The following PATZ1 variants were observed in gnomAD, a reference collection of about 807,000 sequenced individuals.
PATZ1 encodes POZ/BTB and AT hook containing zinc finger 1.
PATZ1 carries 9 observed loss-of-function variants against 46.2 expected under a neutral mutation model. The observed-to-expected ratio is 0.19, with a 90% CI of 0.12 to 0.34. The LOEUF (loss-of-function observed/expected upper bound fraction) is 0.34. Ranked by LOEUF, PATZ1 falls within the 10% of genes least tolerant of loss-of-function variation. PATZ1 has a pLI of 1.00. For synonymous variants in PATZ1, 426 were observed against 378.6 expected (o/e 1.13, Z -1.45); for missense variants, 632 against 923.0 (o/e 0.68, Z 4.08).
chr22:31,343,392 G>T, intron 1 of PATZ1: 1 of 988,838 alleles, frequency 1.0e-6, no homozygotes, highest in Non-Finnish European at 1.2e-6. Context: ...GGCAGCCAAT[G>T]AATGCCACCC....
chr22:31,335,441 G>A, intron 3 of PATZ1: 1 of 460,572 alleles, frequency 2.2e-6, no homozygotes, highest in East Asian at 3.6e-5. Flanking sequence ...CCCAAGCTTG[G>A]GAAGAACCTC....
rs753477064 is a variant in PATZ1, at chr22:31,328,877, C to T, written c.1555G>A (p.Gly519Ser). ...CTGGAGACCTGGGGAAGGGGAACAC[C>T]GTGGTGGGTTTTAACATGGACCTTT... Reference protein sequence around the residue: ...YLKVHVKTHHGVPLPQVSRHQ... With the variant: ...YLKVHVKTHHSVPLPQVSRHQ... The change falls in exon 4 of 5, where the codon GGT becomes AGT. Residue 519 changes from glycine to serine, a missense_variant. By Grantham distance (56) the Gly-to-Ser change is moderately conservative (BLOSUM62 0). Coordinates refer to ENST00000266269, the MANE Select transcript of PATZ1 (RefSeq NM_014323.3). The surrounding 1 kb of genome is among the most constrained non-coding windows in gnomAD (Gnocchi z 4.8). 8.1e-6 allele frequency: 13 copies of T among 1,613,910 alleles called. No homozygotes were observed. The South Asian group carries it at 1.1e-4, about 14-fold the overall frequency.
At chr22:31,342,840 G>A (rs1357324852) in intron 2 of PATZ1, 57 bp downstream of exon 2, 6 of 1,591,312 alleles carry the variant, frequency 3.8e-6, no homozygotes, top group South Asian at 1.1e-5. Context: ...TCAAGGCTGC[G>A]ACCGTGAGAA....
intron 2 of PATZ1, 45 bp from the exon 3 acceptor site, chr22:31,335,908 C>G (rs756617031): frequency 3.2e-6 from 5 of 1,565,040 alleles, no homozygotes; most frequent in African/African-American, 2.7e-5. Flanking sequence ...CCCAGCACCC[C>G]ACACCTGACT....
intron 3 of PATZ1, among the ~76,000 whole-genome samples, chr22:31,332,489 C>G (rs1225310866): frequency 6.6e-6 from 1 of 152,232 alleles, no homozygotes; most frequent in Non-Finnish European, 1.5e-5. Context: ...CCTTTCACTC[C>G]AGAGACGATG....
chr22:31,340,489 A>C lies in PATZ1; in HGVS notation c.1335+2408T>G, dbSNP rs949036422. ...CACACCTGGCTGGCCAGCCCAGAGC[A>C]AGAGAGCCAGCATGTCTTCACCTGC... On this transcript the variant is annotated intron_variant, in intron 2 of 4. Transcript: ENST00000266269. 2.0e-3 allele frequency among the ~76,000 whole-genome samples: 297 copies of C among 152,306 alleles called. 5 individuals are homozygous for C. The highest frequency in any genetic ancestry group is 1.2e-3 in the Non-Finnish European group (81 of 68,014).
At chr22:31,344,228 A>C (rs2049619444) in intron 1 of PATZ1, 104 bp downstream of exon 1, 1 of 1,039,594 alleles carries the variant, frequency 9.6e-7, no homozygotes. Flanking sequence ...TGGTTCTATA[A>C]GGTCAAATGA....
chr22:31,340,936 A>G, intron 2 of PATZ1: 1 of 1,068,218 alleles, frequency 9.4e-7, no homozygotes, highest in Non-Finnish European at 1.1e-6. Context: ...TGGGAAGGGC[A>G]GAGGGCAGCA....
rs939636305 is a variant in PATZ1 at position 31,344,993 on chromosome 22, C to G, written c.610G>C (p.Gly204Arg). ...GCCTCCTCCTCTGGCTGCATGCTGC[C>G]GGCGATGCCATTGCTGTTGGCTGCC... is the stretch of plus-strand genomic sequence containing the variant. ...ALAANSNGIA[G>R]SMQPEEEAAR... Residue 204 changes from glycine to arginine, a missense_variant, in exon 1 of 5, where the codon GGC becomes CGC. This residue lies in a region of PATZ1 where 279 missense variants were observed against 284.3 expected (regional missense o/e 0.98). Coordinates refer to ENST00000266269, the MANE Select transcript of PATZ1 (RefSeq NM_014323.3). 11 of 1,614,034 alleles carry G rather than the reference C, an allele frequency of 6.8e-6. No individual in the cohort carries two copies. The highest frequency in any genetic ancestry group is 9.3e-6 in the Non-Finnish European group (11 of 1,180,044).
At chr22:31,339,001 A>G (rs982416404) in intron 2 of PATZ1, among the ~76,000 whole-genome samples, 15 of 152,196 alleles carry the variant, frequency 9.9e-5, no homozygotes, top group Admixed American at 8.5e-4. Flanking sequence ...GGGAGCCACA[A>G]GAGGGATAGG....
chr22:31,341,623 A>G (rs1278876553), intron 2 of PATZ1: 2 of 1,614,022 alleles, frequency 1.2e-6, no homozygotes, highest in African/African-American at 1.3e-5. Flanking sequence ...AAGTCCCATG[A>G]TGGCAGGTCG....
At position 31,327,071 on chromosome 22, in the gene PATZ1, A is replaced by G. The variant is rs768105331; in HGVS notation, c.1884T>C (p.His628=). ...SYLNKHIQKV[H]VRALGGPLGD... ...CCAGGGGGCCCCCGAGAGCCCGGACATGCACCTTCTGGATGTGTTTGTTCA... is the reference window on the plus strand; with the variant it reads ...CCAGGGGGCCCCCGAGAGCCCGGACGTGCACCTTCTGGATGTGTTTGTTCA... The change falls in exon 5 of 5, where the codon CAT becomes CAC. Residue 628 remains histidine, a synonymous_variant. Coordinates refer to ENST00000266269, the MANE Select transcript of PATZ1 (RefSeq NM_014323.3). The surrounding 1 kb of genome is among the most constrained non-coding windows in gnomAD (Gnocchi z 4.2). 12 of 1,614,134 alleles carry G rather than the reference A, an allele frequency of 7.4e-6. No homozygotes were observed. In the South Asian group the frequency reaches 1.3e-4, roughly 18 times the overall value.
At position 31,345,231 on chromosome 22, in the gene PATZ1, G is replaced by A. The variant is rs2049637261; in HGVS notation, c.372C>T (p.Ser124=). The change falls in exon 1 of 5, where the codon TCC becomes TCT. Residue 124 remains serine (S), a synonymous_variant. Transcript: ENST00000266269. This position sits in a 1 kb window ranked among gnomAD's most constrained non-coding sequence, Gnocchi z 7.4. ...AGCTCTCCAAGCGCACCACGATGCG[G>A]GAAGTGTAGGCGAAGTCCAGAATGT... ...FGDILDFAYT[S]RIVVRLESFP... The A allele has an allele frequency of 6.2e-7, 1 of 1,613,626 alleles. No individual in the cohort carries two copies. The highest frequency in any genetic ancestry group is 8.5e-7 in the Non-Finnish European group (1 of 1,179,676).
At chr22:31,342,563 C>T (rs934658485) in intron 2 of PATZ1, among the ~76,000 whole-genome samples, 1 of 152,088 alleles carries the variant, frequency 6.6e-6, no homozygotes, top group Non-Finnish European at 1.5e-5. Context: ...AGCGCAGTGC[C>T]GGGTCTCCCA....
Position 31,326,771 on chromosome 22 carries a change from G to A in PATZ1, c.*120C>T, listed in dbSNP as rs890197659. The A allele has an allele frequency of 1.1e-5, 9 of 811,094 alleles. No homozygotes were observed. The highest frequency in any genetic ancestry group is 1.7e-5 in the Non-Finnish European group (9 of 520,836). 50.2% of individuals were successfully genotyped at this position (811,094 alleles called of 1,614,324 possible). On this transcript the variant is annotated 3_prime_UTR_variant, in exon 5 of 5. Transcript: ENST00000266269. ...AGAAGGAGTTGGAGTGGGGTTGGGG[G>A]GCAGTTAAAAATGAATAAAAATCTC...
At chr22:31,342,041 TCAGAGACTG>T (rs1198654739) in intron 2 of PATZ1, among the ~76,000 whole-genome samples, 2 of 152,108 alleles carry the variant, frequency 1.3e-5, no homozygotes, top group African/African-American at 4.8e-5. Flanking sequence ...GGTTATCCTA[TCAGAGACTG>T]CAGTGCACAC....
intron 3 of PATZ1, among the ~76,000 whole-genome samples, chr22:31,329,533 G>A (rs906778772): frequency 6.6e-6 from 1 of 152,168 alleles, no homozygotes; most frequent in Non-Finnish European, 1.5e-5. Context: ...ACCTTTTGAA[G>A]AACAAAGACA....
At position 31,345,873 on chromosome 22, in the gene PATZ1, C is replaced by G; in HGVS notation, c.-271G>C. The G allele has an allele frequency of 5.1e-6, 2 of 390,324 alleles. No individual in the cohort carries two copies. Among genetic ancestry groups the G allele is most frequent in the Non-Finnish European group, 9.1e-6 (2 of 219,890 alleles). 24.2% of individuals were successfully genotyped at this position (390,324 alleles called of 1,614,324 possible). The stretch of plus-strand genomic sequence containing the variant: ...CCTCTCCGCCCGCCCGCCTCCCCTT[C>G]CCGGTCTACCTTCCGGGGGGGTGCG... On this transcript the variant is annotated 5_prime_UTR_variant, in exon 1 of 5. Coordinates refer to ENST00000266269, the MANE Select transcript of PATZ1 (RefSeq NM_014323.3). The surrounding 1 kb of genome is among the most constrained non-coding windows in gnomAD (Gnocchi z 7.4).
At chr22:31,337,250 T>C (rs1254989727) in intron 2 of PATZ1, among the ~76,000 whole-genome samples, 2 of 152,200 alleles carry the variant, frequency 1.3e-5, no homozygotes, top group Non-Finnish European at 1.5e-5. Flanking sequence ...ACTTATCTCA[T>C]GCAACCCATC....
Sources: gnomAD v4.1 joint callset for allele counts (sites outside exome capture counted in the v4.1 genomes callset) on GRCh38, gnomAD v4.1.1 for gene constraint, gnomAD v4.1.1 regional missense constraint, Gnocchi (gnomAD v3.1) non-coding constraint, MANE v1.5 for transcripts, NCBI Gene and HGNC (gene_info 2026-07-23, HGNC 2026-07-21) for gene names.